XYLT2: variants seen among roughly 807,000 people sequenced by gnomAD.
XYLT2 encodes the protein xylosyltransferase 2.
A neutral mutation model predicts 82.6 loss-of-function variants in XYLT2; 37 were observed. That is an observed-to-expected ratio of 0.45 (90% CI 0.34 to 0.59). The LOEUF (loss-of-function observed/expected upper bound fraction) is 0.59, where lower values mean the gene tolerates loss of function less well. Ranked by LOEUF, XYLT2 falls within the 20% of genes least tolerant of loss-of-function variation. The pLI is 0.01. For synonymous variants in XYLT2, 474 were observed against 499.0 expected (o/e 0.95, Z 0.67); for missense variants, 934 against 1,181.3 (o/e 0.79, Z 3.07).
At position 50,346,545 on chromosome 17, in the gene XYLT2, G is replaced by A. The variant is rs1172948130; in HGVS notation, c.135+270G>A. The A allele has an allele frequency of 1.1e-6, 1 of 945,536 alleles. No homozygotes were observed. The highest frequency in any genetic ancestry group is 1.3e-6 in the Non-Finnish European group (1 of 793,562). The allele number at this position is 945,536 out of a possible 1,614,324, so 58.6% of individuals were successfully genotyped here. ...GGGGGGAGCAGGTCATGCTAGGGTG[G>A]TCTCCGGCCAAGGGAGCGATGAAGG... is the stretch of plus-strand genomic sequence containing the variant. On this transcript the variant is annotated intron_variant, in intron 1 of 10. Coordinates refer to ENST00000017003, the MANE Select transcript of XYLT2 (RefSeq NM_022167.4). The surrounding 1 kb of genome is among the most constrained non-coding windows in gnomAD (Gnocchi z 5.1).
intron 10 of XYLT2, chr17:50,359,692 TG>T (rs991626717): frequency 2.2e-5 from 10 of 452,292 alleles, no homozygotes; most frequent in Non-Finnish European, 3.6e-5. Context: ...AGAAAGGGTA[TG>T]GGACACAAAC....
intron 2 of XYLT2, 38 bp downstream of exon 2, chr17:50,354,160 G>T: frequency 3.1e-6 from 5 of 1,598,070 alleles, no homozygotes; most frequent in Non-Finnish European, 4.2e-6. Context: ...CCCAGGCGGG[G>T]GCAGGGGGGT....
At position 50,356,736 on chromosome 17, in the gene XYLT2, G is replaced by A. The variant is rs199816555; in HGVS notation, c.1708G>A (p.Ala570Thr). 435 of 1,606,776 alleles carry A rather than the reference G, an allele frequency of 2.7e-4. No individual in the cohort carries two copies. Among genetic ancestry groups the A allele is most frequent in the Non-Finnish European group, 3.4e-4 (406 of 1,179,892 alleles). ...AFARLSLHHA[A>T]TAAPPMGTPL... is the part of the protein sequence containing the mutation. ...CGCCCGCCTCAGCCTGCACCATGCCGCCACTGCTGCACCCCCAATGGGCAC... is the reference window on the plus strand; with the variant it reads ...CGCCCGCCTCAGCCTGCACCATGCCACCACTGCTGCACCCCCAATGGGCAC... The change falls in exon 8 of 11, where the codon GCC becomes ACC. Residue 570 changes from alanine to threonine, a missense_variant. Physicochemically the swap from Ala to Thr is moderately conservative, Grantham distance 58 (BLOSUM62 0). Transcript: ENST00000017003.
intron 1 of XYLT2, among the ~76,000 whole-genome samples, chr17:50,352,315 C>T (rs2042697462): frequency 1.3e-5 from 2 of 152,196 alleles, no homozygotes; most frequent in Admixed American, 1.3e-4. Flanking sequence ...AGAGTGTTCA[C>T]ATGGTGGCCC....
chr17:50,358,080 C>A, intron 9 of XYLT2, 127 bp from the exon 10 acceptor site: 1 of 833,354 alleles, frequency 1.2e-6, no homozygotes, highest in Non-Finnish European at 1.9e-6. Context: ...CTTCATTTTG[C>A]AGATGGGGAA....
chr17:50,357,592 C>CTT (rs59572285), intron 9 of XYLT2: 6,008 of 156,318 alleles, frequency 0.038, 500 homozygotes, highest in African/African-American at 0.15. Flanking sequence ...TCCTCATAGT[C>CTT]TTTTTTTTTT....
At chr17:50,357,363 C>A in intron 9 of XYLT2, 111 bp downstream of exon 9, 1 of 1,169,814 alleles carries the variant, frequency 8.5e-7, no homozygotes. Context: ...CCAGTCATGG[C>A]AGCCATGGTG....
rs1198778652 is a variant in XYLT2, at chr17:50,353,742, G to A, written c.248G>A (p.Gly83Asp). ...STGRRHGRWR[G>D]RAESPGVPVA... ...GGCAGAAGGCATGGGCGCTGGCGGG[G>A]CCGTGCTGAGAGCCCAGGAGTGCCC... The change falls in exon 2 of 11, where the codon GGC (glycine) becomes GAC (aspartate). Residue 83 changes from glycine (G) to aspartate (D), a missense_variant. Physicochemically the swap from Gly to Asp is moderately conservative, Grantham distance 94 (BLOSUM62 -1). Around this residue, in one of 3 missense-constraint regions of XYLT2, gnomAD observed 371 missense variants for 394.9 expected, o/e 0.94. Transcript: ENST00000017003. 6.4e-7 allele frequency: 1 copy of A among 1,558,106 alleles called. No individual in the cohort carries two copies. Among genetic ancestry groups the A allele is most frequent in the Non-Finnish European group, 8.7e-7 (1 of 1,150,908 alleles).
Position 50,354,105 on chromosome 17 carries a change from G to C in XYLT2, c.611G>C (p.Arg204Pro). Residue 204 changes from arginine (R) to proline (P), a missense_variant, in exon 2 of 11, where the codon CGG becomes CCG. By Grantham distance (103) the Arg-to-Pro change is moderately radical. This residue lies in a region of XYLT2 where 371 missense variants were observed against 394.9 expected (regional missense o/e 0.94). Transcript: ENST00000017003. Reference protein sequence around the residue: ...AGSLMPKAVPRHCQLTGKMSP... With the variant: ...AGSLMPKAVPPHCQLTGKMSP... The stretch of plus-strand genomic sequence containing the variant: ...AGCCTCATGCCCAAGGCTGTGCCCC[G>C]GCACTGTCAGCTGACTGGTGAGGGA... 3 of 1,604,680 alleles carry C rather than the reference G, an allele frequency of 1.9e-6. No homozygotes were observed. Among genetic ancestry groups the C allele is most frequent in the Middle Eastern group, 1.7e-4 (1 of 6,014 alleles).
intron 1 of XYLT2, among the ~76,000 whole-genome samples, chr17:50,349,607 C>T (rs2143191111): frequency 6.6e-6 from 1 of 152,280 alleles, no homozygotes; most frequent in Admixed American, 6.5e-5. Context: ...ATAAAAAGAT[C>T]AGAAGGCTGG....
chr17:50,351,760 G>A (rs1343304941), intron 1 of XYLT2, among the ~76,000 whole-genome samples: 18 of 152,194 alleles, frequency 1.2e-4, no homozygotes, highest in Admixed American at 1.2e-3. Flanking sequence ...GTACTTTTGG[G>A]CTTGTGGCTT....
Position 50,357,047 on chromosome 17 carries a change from G to A in XYLT2, c.1746-10G>A. 1.3e-6 allele frequency: 2 copies of A among 1,585,432 alleles called. No individual in the cohort carries two copies. The highest frequency in any genetic ancestry group is 1.7e-6 in the Non-Finnish European group (2 of 1,163,928). On this transcript the variant is annotated splice_polypyrimidine_tract_variant and intron_variant, in intron 8 of 10. Coordinates refer to ENST00000017003, the MANE Select transcript of XYLT2 (RefSeq NM_022167.4). ...GATGGCATCTCCCTTTCTCCCTGCT[G>A]GCACCTTAGGTTTGAGCCCAGGGGC...
rs373704915 is a variant in XYLT2, at chr17:50,356,099, G to A, written c.1320G>A (p.Thr440=). The A allele has an allele frequency of 1.5e-5, 25 of 1,614,048 alleles. No homozygotes were observed. Among genetic ancestry groups the A allele is most frequent in the African/African-American group, 1.3e-4 (10 of 74,932 alleles). The change falls in exon 7 of 11, where the codon ACG becomes ACA. Residue 440 remains threonine, a synonymous_variant. Transcript: ENST00000017003. ...TLLPAESFFH[T]VLENSLACET... is the part of the protein sequence containing the mutation. ...GCTGCTTGCAGTCCTTCTTCCACAC[G>A]GTGCTGGAGAACAGCCTGGCCTGTG...
At position 50,355,485 on chromosome 17, in the gene XYLT2, C is replaced by T; in HGVS notation, c.1008-16C>T. The T allele has an allele frequency of 4.3e-6, 7 of 1,613,774 alleles. No homozygotes were observed. The highest frequency in any genetic ancestry group is 1.1e-5 in the South Asian group (1 of 91,064). On this transcript the variant is annotated splice_polypyrimidine_tract_variant and intron_variant, in intron 4 of 10. Transcript: ENST00000017003. ...ACTATCTCATGTGGCTGCCTGTCAC[C>T]CCATTCCTTCACCAGGACCAATGAG...
In XYLT2 at chr17:50,346,197, C is replaced by A. The variant is rs1217064861; in HGVS notation, c.57C>A (p.Ala19=). Reference sequence around the variant, plus strand: ...TGCGGCGCTACAAGCTGGCGATTGCCACGGCGCTGGCCATCCTGCTGCTGC... The same window carrying A: ...TGCGGCGCTACAAGCTGGCGATTGCAACGGCGCTGGCCATCCTGCTGCTGC... ...KLVRRYKLAI[A]TALAILLLQG... Residue 19 remains alanine (A), a synonymous_variant, in exon 1 of 11, where the codon GCC becomes GCA. Transcript: ENST00000017003. This position sits in a 1 kb window ranked among gnomAD's most constrained non-coding sequence, Gnocchi z 5.1. 3.1e-6 allele frequency: 4 copies of A among 1,295,166 alleles called. No homozygotes were observed. Among genetic ancestry groups the A allele is most frequent in the Non-Finnish European group, 1.0e-6 (1 of 995,522 alleles). 80.2% of individuals were successfully genotyped at this position (1,295,166 alleles called of 1,614,324 possible).
At position 50,354,037 on chromosome 17, in the gene XYLT2, C is replaced by T. The variant is rs747438021; in HGVS notation, c.543C>T (p.Cys181=). 1.9e-6 allele frequency: 3 copies of T among 1,608,282 alleles called. No individual in the cohort carries two copies. Among genetic ancestry groups the T allele is most frequent in the Admixed American group, 1.7e-5 (1 of 60,020 alleles). ...SALARASTKQ[C]QQEIANVVCL... The stretch of plus-strand genomic sequence containing the variant: ...TGGCCCGGGCCAGCACCAAGCAGTG[C>T]CAGCAGGAGATCGCCAATGTGGTGT... Residue 181 remains cysteine (C), a synonymous_variant, in exon 2 of 11, where the codon TGC becomes TGT. Transcript: ENST00000017003.
chr17:50,355,743 T>C (rs1228084171), intron 5 of XYLT2, 38 bp from the exon 6 acceptor site: 11 of 1,610,514 alleles, frequency 6.8e-6, no homozygotes, highest in Non-Finnish European at 9.3e-6. Flanking sequence ...GACCCCACCC[T>C]GCAGGATCCC....
chr17:50,359,184 G>A (rs1326308401), intron 10 of XYLT2: 2 of 152,812 alleles, frequency 1.3e-5, no homozygotes, highest in African/African-American at 4.8e-5. Flanking sequence ...TGGCCAGGTG[G>A]GCAGGGTCAT....
rs1345823716 is a variant in XYLT2, at chr17:50,346,210, A to G, written c.70A>G (p.Ile24Val). ...YKLAIATALA[I>V]LLLQGLVVWS... ...GCTGGCGATTGCCACGGCGCTGGCC[A>G]TCCTGCTGCTGCAGGGCCTGGTAGT... is the stretch of plus-strand genomic sequence containing the variant. The change falls in exon 1 of 11, where the codon ATC (isoleucine) becomes GTC (valine). Residue 24 changes from isoleucine (I) to valine (V), a missense_variant. Coordinates refer to ENST00000017003, the MANE Select transcript of XYLT2 (RefSeq NM_022167.4). The surrounding 1 kb of genome is among the most constrained non-coding windows in gnomAD (Gnocchi z 5.1). 3.9e-5 allele frequency: 50 copies of G among 1,285,708 alleles called. No individual in the cohort carries two copies. Among genetic ancestry groups the G allele is most frequent in the African/African-American group, 1.6e-5 (1 of 62,992 alleles). 79.6% of individuals were successfully genotyped at this position (1,285,708 alleles called of 1,614,324 possible).
Sources: gnomAD v4.1 joint callset for allele counts (sites outside exome capture counted in the v4.1 genomes callset) on GRCh38, gnomAD v4.1.1 for gene constraint, gnomAD v4.1.1 regional missense constraint, Gnocchi (gnomAD v3.1) non-coding constraint, MANE v1.5 for transcripts, NCBI Gene and HGNC (gene_info 2026-07-23, HGNC 2026-07-21) for gene names.